Variants in ISM1 observed in about 807,000 individuals in gnomAD.
ISM1 encodes isthmin 1, also known as isthmin-1.
ISM1 carries 25 observed loss-of-function variants against 46.3 expected under a neutral mutation model. The ratio of observed to expected loss-of-function variants is 0.54; its 90% CI spans 0.39 to 0.75. The LOEUF is 0.75. Among genes scored for constraint, ISM1 ranks in the 30% least tolerant of loss-of-function variants. The probability of loss-of-function intolerance (pLI) is 0.00; values close to 1 mark genes in which losing one functional copy is unlikely to be tolerated. For synonymous variants in ISM1, 255 were observed against 256.7 expected, an observed-to-expected ratio of 0.99 and a Z score of 0.06; for missense variants, 536 against 625.4, an observed-to-expected ratio of 0.86 and a Z score of 1.52.
downstream of ISM1, among the ~76,000 whole-genome samples, chr20:13,303,796 A>G (rs2040478184): frequency 6.6e-6 from 1 of 152,212 alleles, no homozygotes; most frequent in Non-Finnish European, 1.5e-5. Context: ...GAGGGGAGAT[A>G]GTGGATAAGT....
Position 13,292,398 on chromosome 20 carries a change from C to G in ISM1, c.812C>G (p.Ala271Gly). The G allele has an allele frequency of 6.2e-7, 1 of 1,605,760 alleles. No individual in the cohort carries two copies. The highest frequency in any genetic ancestry group is 1.1e-5 in the South Asian group (1 of 89,000). Residue 271 changes from alanine (A) to glycine (G), a missense_variant, in exon 5 of 6, where the codon GCT becomes GGT. Ala to Gly is a moderately conservative substitution (Grantham distance 60). Around this residue, in one of 2 missense-constraint regions of ISM1, gnomAD observed 367 missense variants for 376.1 expected, o/e 0.98. Transcript: ENST00000262487. ...CPGIEDTFRT[A>G]ATEVSLLAGS... Reference sequence around the variant, plus strand: ...GGAATTGAAGACACTTTTAGGACAGCTGCCACCGAAGTGAGTCTGCTTGCG... The same window carrying G: ...GGAATTGAAGACACTTTTAGGACAGGTGCCACCGAAGTGAGTCTGCTTGCG...
intron 4 of ISM1, among the ~76,000 whole-genome samples, chr20:13,290,601 T>C (rs1039049087): frequency 6.6e-6 from 1 of 151,850 alleles, no homozygotes; most frequent in Non-Finnish European, 1.5e-5. Flanking sequence ...GTGAGCCAAG[T>C]GAGCCGAGAT....
intron 1 of ISM1, among the ~76,000 whole-genome samples, chr20:13,255,375 A>G (rs114698970): frequency 0.017 from 2,567 of 152,310 alleles, 68 homozygotes; most frequent in African/African-American, 0.058. Context: ...TTTACAGTTC[A>G]GTCATTATTT....
At chr20:13,277,985 C>A (rs1382339223) in intron 2 of ISM1, among the ~76,000 whole-genome samples, 1 of 152,182 alleles carries the variant, frequency 6.6e-6, no homozygotes, top group Non-Finnish European at 1.5e-5. Context: ...TGGGCACGCC[C>A]TGGTGCAATT....
chr20:13,288,029 C>T (rs2040312440), intron 3 of ISM1, among the ~76,000 whole-genome samples: 1 of 152,168 alleles, frequency 6.6e-6, no homozygotes, highest in Non-Finnish European at 1.5e-5. Context: ...CCTCTCTGTC[C>T]ATGTGATGTC....
the ISM1 span, among the ~76,000 whole-genome samples, chr20:13,311,533 A>G: frequency 2.0e-5 from 3 of 152,340 alleles, no homozygotes; most frequent in East Asian, 3.9e-4. Flanking sequence ...TGAAATCAAC[A>G]TAAGTGTTCA....
intron 1 of ISM1, among the ~76,000 whole-genome samples, chr20:13,237,091 G>A (rs2039659647): frequency 6.6e-6 from 1 of 152,176 alleles, no homozygotes; most frequent in South Asian, 2.1e-4. Flanking sequence ...TGCCCTAGAA[G>A]AGGTTCTTCA....
chr20:13,228,772 G>A (rs2039557030), intron 1 of ISM1, among the ~76,000 whole-genome samples: 1 of 152,018 alleles, frequency 6.6e-6, no homozygotes, highest in Non-Finnish European at 1.5e-5. Context: ...TCCTGTTAGA[G>A]ATTGAAACTA....
chr20:13,247,521 T>G (rs753853452), intron 1 of ISM1, among the ~76,000 whole-genome samples: 102 of 92,470 alleles, frequency 1.1e-3, no homozygotes, highest in Admixed American at 2.0e-3. Flanking sequence ...GTGAGGGGTG[T>G]GTGTGTGTGT....
At chr20:13,306,914 C>T in the ISM1 span, among the ~76,000 whole-genome samples, 1 of 152,292 alleles carries the variant, frequency 6.6e-6, no homozygotes, top group African/African-American at 2.4e-5. Flanking sequence ...TCAGGATCCT[C>T]ACCTGGGGAT....
intron 1 of ISM1, among the ~76,000 whole-genome samples, chr20:13,242,561 A>G (rs995640648): frequency 6.6e-6 from 1 of 152,196 alleles, no homozygotes; most frequent in African/African-American, 2.4e-5. Context: ...AGTCCAATTA[A>G]GTGTTCAGAG....
the ISM1 span, among the ~76,000 whole-genome samples, chr20:13,321,253 TAAAAA>T: frequency 8.7e-5 from 5 of 57,520 alleles, no homozygotes; most frequent in African/African-American, 1.5e-4. Context: ...GTGCCCCACA[TAAAAA>T]AAAAAAAAAA....
rs2039451408 is a variant in ISM1, at chr20:13,221,761, C to T, written c.-16C>T. Reference sequence around the variant, plus strand: ...CGGCCGCCGCGCCGGGTCCTAAAGCCGCGCGTCTCAAAAGGATGGTGCGCC... The same window carrying T: ...CGGCCGCCGCGCCGGGTCCTAAAGCTGCGCGTCTCAAAAGGATGGTGCGCC... On this transcript the variant is annotated 5_prime_UTR_variant, in exon 1 of 6. Coordinates refer to ENST00000262487, the MANE Select transcript of ISM1 (RefSeq NM_080826.2). 3 of 1,428,740 alleles carry T rather than the reference C, an allele frequency of 2.1e-6. No homozygotes were observed. Among genetic ancestry groups the T allele is most frequent in the Non-Finnish European group, 2.7e-6 (3 of 1,095,598 alleles). The allele number at this position is 1,428,740 out of a possible 1,614,324, so 88.5% of individuals were successfully genotyped here. A position where few individuals can be genotyped will look rare whatever the true frequency, so the allele number is the denominator to read the frequency against.
intron 1 of ISM1, among the ~76,000 whole-genome samples, chr20:13,234,438 G>C (rs1329044615): frequency 6.6e-6 from 1 of 152,120 alleles, no homozygotes; most frequent in Non-Finnish European, 1.5e-5. Context: ...TCTTTTTGAT[G>C]TATTGATTTC....
At chr20:13,284,815 A>G (rs1045567845) in intron 3 of ISM1, among the ~76,000 whole-genome samples, 5 of 152,346 alleles carry the variant, frequency 3.3e-5, no homozygotes, top group African/African-American at 1.2e-4. Flanking sequence ...GGGGACCCAT[A>G]TGAAAAAAAT....
chr20:13,224,895 G>A (rs1346671315), intron 1 of ISM1, among the ~76,000 whole-genome samples: 3 of 146,252 alleles, frequency 2.1e-5, no homozygotes, highest in Non-Finnish European at 4.5e-5. Flanking sequence ...GCCCAGGCTG[G>A]AGTGCAGTGG....
chr20:13,242,841 T>C (rs543965459), intron 1 of ISM1, among the ~76,000 whole-genome samples: 4 of 152,364 alleles, frequency 2.6e-5, no homozygotes, highest in East Asian at 1.9e-4. Context: ...CTGGTAGTTA[T>C]ACAGATTTCA....
At chr20:13,239,901 A>G (rs572283242) in intron 1 of ISM1, among the ~76,000 whole-genome samples, 7 of 152,340 alleles carry the variant, frequency 4.6e-5, no homozygotes, top group Admixed American at 4.6e-4. Flanking sequence ...CCCATTTCTG[A>G]ACATCTGTAA....
rs565200150 is a variant in ISM1 at position 13,239,865 on chromosome 20, T to C, written c.138+17951T>C. On this transcript the variant is annotated intron_variant, in intron 1 of 5. Transcript: ENST00000262487. Reference sequence around the variant, plus strand: ...AGCCAGTACCAGACTCCAAAGCAAGTCATCTTTCATGAAGCCACACAATCC... The same window carrying C: ...AGCCAGTACCAGACTCCAAAGCAAGCCATCTTTCATGAAGCCACACAATCC... 3.3e-5 allele frequency among the ~76,000 whole-genome samples: 5 copies of C among 152,286 alleles called. No homozygotes were observed. The South Asian group carries it at 6.2e-4, about 19-fold the overall frequency.
Sources: allele counts gnomAD v4.1 joint callset (sites outside exome capture counted in the v4.1 genomes callset), GRCh38; gene constraint gnomAD v4.1.1; regional missense constraint gnomAD v4.1.1; transcripts MANE v1.5; gene names NCBI Gene and HGNC (gene_info 2026-07-23, HGNC 2026-07-21).